The following ANKDD1A variants were observed in gnomAD, a reference collection of about 807,000 sequenced individuals.
The protein encoded by ANKDD1A is ankyrin repeat and death domain containing 1A.
ANKDD1A carries 59 observed loss-of-function variants against 63.5 expected under a neutral mutation model. The ratio of observed to expected loss-of-function variants is 0.93; its 90% CI spans 0.75 to 1.15. The LOEUF (loss-of-function observed/expected upper bound fraction) is 1.15. Among genes scored for constraint, ANKDD1A ranks in the 50% most tolerant of loss-of-function variants. ANKDD1A has a pLI of 0.00. For missense variants in ANKDD1A, 632 were observed against 656.4 expected, an observed-to-expected ratio of 0.96 and a Z score of 0.41; for synonymous variants, 266 against 263.9, an observed-to-expected ratio of 1.01 and a Z score of -0.08.
intron 12 of ANKDD1A, among the ~76,000 whole-genome samples, chr15:64,946,481 A>C (rs1336016891): frequency 6.6e-6 from 1 of 152,202 alleles, no homozygotes; most frequent in Non-Finnish European, 1.5e-5. Context: ...CAAAATGTTA[A>C]TACTGAGGGT....
rs1473191185 is a variant in ANKDD1A, at chr15:64,953,802, C to T, written c.1484-3301C>T. ...TTTTCTTTCTTCTGCTTTCTTCTTC[C>T]TTTTTTTCTTCTTCCTTATTCTTTT... On this transcript the variant is annotated intron_variant, in intron 14 of 14. Coordinates refer to ENST00000319580, the MANE Select transcript of ANKDD1A (RefSeq NM_182703.6). Among the ~76,000 whole-genome samples, 9 of 132,330 alleles carry T rather than the reference C, an allele frequency of 6.8e-5. No homozygotes were observed. The East Asian group carries it at 1.6e-3, about 23-fold the overall frequency. The allele number at this position is 132,330 out of a possible 152,430, so 86.8% of individuals were successfully genotyped here. A position where few individuals can be genotyped will look rare whatever the true frequency, so the allele number is the denominator to read the frequency against.
intron 9 of ANKDD1A, among the ~76,000 whole-genome samples, chr15:64,935,548 G>A (rs567143443): frequency 5.9e-5 from 9 of 151,982 alleles, no homozygotes; most frequent in Non-Finnish European, 8.8e-5. Context: ...TGTGTCAGGC[G>A]CCTGTAGTCC....
At chr15:64,924,764 G>A (rs1442317772) in intron 4 of ANKDD1A, among the ~76,000 whole-genome samples, 3 of 152,054 alleles carry the variant, frequency 2.0e-5, no homozygotes, top group Non-Finnish European at 4.4e-5. Flanking sequence ...GACCTTAACC[G>A]TTTTGGAGAG....
intron 6 of ANKDD1A, among the ~76,000 whole-genome samples, chr15:64,930,071 G>T (rs1467569564): frequency 6.6e-6 from 1 of 151,970 alleles, no homozygotes; most frequent in Non-Finnish European, 1.5e-5. Flanking sequence ...CAGGGAGGGG[G>T]ACAACACACA....
rs2085271266 is a variant in ANKDD1A, at chr15:64,951,370, C to A, written c.1483+1398C>A. The stretch of plus-strand genomic sequence containing the variant: ...TTCCTCTTCTTTCTTCTTCCTCTTT[C>A]TTCTTTCTTTTTCTTTTCTTCTTCC... On this transcript the variant is annotated intron_variant, in intron 14 of 14. Coordinates refer to ENST00000319580, the MANE Select transcript of ANKDD1A (RefSeq NM_182703.6). 3 of 497,546 alleles carry A rather than the reference C, an allele frequency of 6.0e-6. No homozygotes were observed. The South Asian group carries it at 2.5e-4, about 42-fold the overall frequency. 30.8% of individuals were successfully genotyped at this position (497,546 alleles called of 1,614,324 possible).
In ANKDD1A at chr15:64,935,882, T is replaced by C. The variant is rs149398755; in HGVS notation, c.867+1648T>C. Among the ~76,000 whole-genome samples the C allele has an allele frequency of 2.4e-4, 36 of 152,156 alleles. No homozygotes were observed. The East Asian group carries it at 6.6e-3, about 28-fold the overall frequency. On this transcript the variant is annotated intron_variant, in intron 9 of 14. Coordinates refer to ENST00000319580, the MANE Select transcript of ANKDD1A (RefSeq NM_182703.6). ...AGTAGTGGGAGTTTCAAATGGTGAC[T>C]ATCTTTCTAGAAGGCAAGTTGACAA...
chr15:64,940,494 G>A (rs1391140458), intron 9 of ANKDD1A, among the ~76,000 whole-genome samples: 4 of 151,206 alleles, frequency 2.6e-5, no homozygotes, highest in Admixed American at 1.3e-4. Flanking sequence ...GTGCAGTGGC[G>A]TGATCTTGGC....
At chr15:64,922,392 G>A (rs952455070) in intron 4 of ANKDD1A, 1 of 177,740 alleles carries the variant, frequency 5.6e-6, no homozygotes, top group African/African-American at 2.4e-5. Context: ...TGGTGGGCGA[G>A]TTTCTCTATC....
chr15:64,931,601 C>T lies in ANKDD1A; in HGVS notation c.768+16C>T, dbSNP rs764104067. ...CCTCACCCAGGTAGCCAGGCCCTCC[C>T]AAGACTGCGGTCGGCTCTTGGCTGC... is the stretch of plus-strand genomic sequence containing the variant. On this transcript the variant is annotated intron_variant, in intron 8 of 14. Coordinates refer to ENST00000319580, the MANE Select transcript of ANKDD1A (RefSeq NM_182703.6). 9 of 1,613,072 alleles carry T rather than the reference C, an allele frequency of 5.6e-6. No homozygotes were observed. The highest frequency in any genetic ancestry group is 1.7e-4 in the Middle Eastern group (1 of 6,060).
intron 11 of ANKDD1A, 47 bp downstream of exon 11, chr15:64,943,629 C>G (rs1231957932): frequency 6.3e-7 from 1 of 1,579,914 alleles, no homozygotes; most frequent in Admixed American, 1.7e-5. Flanking sequence ...CATGGCTCCC[C>G]CCTTGCCAGA....
Position 64,915,918 on chromosome 15 carries a change from C to T in ANKDD1A, c.138+18C>T. ...GAAACCACGTGCGTAATGAGCTTCT[C>T]TGAATCCAGGCACCTGGGATAGTGT... On this transcript the variant is annotated intron_variant, in intron 2 of 14. Coordinates refer to ENST00000319580, the MANE Select transcript of ANKDD1A (RefSeq NM_182703.6). The T allele has an allele frequency of 3.7e-6, 6 of 1,609,248 alleles. No individual in the cohort carries two copies. The highest frequency in any genetic ancestry group is 4.2e-6 in the Non-Finnish European group (5 of 1,176,816).
At chr15:64,933,317 C>T (rs1185901600) in intron 8 of ANKDD1A, among the ~76,000 whole-genome samples, 2 of 152,220 alleles carry the variant, frequency 1.3e-5, no homozygotes, top group African/African-American at 4.8e-5. Flanking sequence ...CAAACTGAGA[C>T]AGTGGTGGGT....
At position 64,926,937 on chromosome 15, in the gene ANKDD1A, G is replaced by A. The variant is rs201127218; in HGVS notation, c.508G>A (p.Gly170Arg). The A allele has an allele frequency of 9.3e-6, 15 of 1,614,160 alleles. No individual in the cohort carries two copies. The highest frequency in any genetic ancestry group is 2.2e-5 in the East Asian group (1 of 44,880). ...RTAFHRAAEH[G>R]QLDALDFLVG... is the part of the protein sequence containing the mutation. ...GGCGTTTCACAGGGCAGCTGAGCAC[G>A]GGCAGCTGGATGCTCTGGACTTCCT... The change falls in exon 6 of 15, where the codon GGG (glycine) becomes AGG (arginine). Residue 170 changes from glycine (G) to arginine (R), a missense_variant. By Grantham distance (125) the Gly-to-Arg change is moderately radical (BLOSUM62 -2). Coordinates refer to ENST00000319580, the MANE Select transcript of ANKDD1A (RefSeq NM_182703.6).
intron 9 of ANKDD1A, among the ~76,000 whole-genome samples, chr15:64,936,702 T>C (rs2085136195): frequency 6.6e-6 from 1 of 152,044 alleles, no homozygotes; most frequent in African/African-American, 2.4e-5. Context: ...CAGCCGGGTA[T>C]GGTGGTGGGT....
chr15:64,953,555 C>T (rs2085346621), intron 14 of ANKDD1A, among the ~76,000 whole-genome samples: 218 of 61,930 alleles, frequency 3.5e-3, no homozygotes, highest in Middle Eastern at 0.012. Flanking sequence ...CCTTCTCCTT[C>T]TTTCTTCCTC....
At chr15:64,942,428 G>T in intron 9 of ANKDD1A, 39 bp from the exon 10 acceptor site, 1 of 1,509,974 alleles carries the variant, frequency 6.6e-7, no homozygotes, top group South Asian at 1.2e-5. Context: ...GCAGTCCTGG[G>T]AGGGACTGGT....
At chr15:64,918,925 A>G (rs963613557) in intron 3 of ANKDD1A, among the ~76,000 whole-genome samples, 2 of 151,832 alleles carry the variant, frequency 1.3e-5, no homozygotes, top group East Asian at 3.9e-4. Flanking sequence ...CTGCACTCCA[A>G]CCTGGGTGAC....
At chr15:64,952,865 T>TC (rs1466969765) in intron 14 of ANKDD1A, among the ~76,000 whole-genome samples, 6 of 118,052 alleles carry the variant, frequency 5.1e-5, no homozygotes, top group Admixed American at 8.5e-5. Flanking sequence ...TCCTTCTTCT[T>TC]TTCTTCTCTT....
Position 64,957,109 on chromosome 15 carries a change from G to A in ANKDD1A, c.1490G>A (p.Ser497Asn), listed in dbSNP as rs2085424529. 4.5e-6 allele frequency: 2 copies of A among 446,602 alleles called. No homozygotes were observed. Among genetic ancestry groups the A allele is most frequent in the South Asian group, 1.6e-5 (1 of 63,522 alleles). 27.7% of individuals were successfully genotyped at this position (446,602 alleles called of 1,614,324 possible). A position where few individuals can be genotyped will look rare whatever the true frequency, so the allele number is the denominator to read the frequency against. ...AIGRRDLAGW[S>N]TMARSQLTAT... is the part of the protein sequence containing the mutation. ...GTCTTGCTCTCTCACCCAGGCTGGA[G>A]TACAATGGCGAGATCTCAGCTCACG... The change falls in exon 15 of 15, where the codon AGT becomes AAT. Residue 497 changes from serine (S) to asparagine (N), a missense_variant. Ser to Asn is a conservative substitution (Grantham distance 46, BLOSUM62 1). Coordinates refer to ENST00000319580, the MANE Select transcript of ANKDD1A (RefSeq NM_182703.6).
Sources: gnomAD v4.1 joint callset for allele counts (sites outside exome capture counted in the v4.1 genomes callset) on GRCh38, gnomAD v4.1.1 for gene constraint, MANE v1.5 for transcripts, NCBI Gene and HGNC (gene_info 2026-07-23, HGNC 2026-07-21) for gene names.